The following FTO variants were observed in gnomAD, a reference collection of about 807,000 sequenced individuals.
The protein encoded by FTO is alpha-ketoglutarate-dependent dioxygenase FTO.
A neutral mutation model predicts 63.9 loss-of-function variants in FTO; 47 were observed. That is an observed-to-expected ratio of 0.74 (90% CI 0.58 to 0.94). The LOEUF (loss-of-function observed/expected upper bound fraction) is 0.94, where lower values mean the gene tolerates loss of function less well. Ranked by LOEUF, FTO falls within the 40% of genes least tolerant of loss-of-function variation. The pLI is 0.00. For missense variants in FTO, 562 were observed against 618.1 expected (o/e 0.91, Z 0.96); for synonymous variants, 207 against 224.4 (o/e 0.92, Z 0.69).
intron 8 of FTO, among the ~76,000 whole-genome samples, chr16:53,972,576 T>C (rs572997958): frequency 6.6e-6 from 1 of 152,328 alleles, no homozygotes; most frequent in South Asian, 2.1e-4. Flanking sequence ...GCTTCTTCAT[T>C]AATTAAATGT....
chr16:53,943,038 C>G (rs2082569276), intron 8 of FTO, among the ~76,000 whole-genome samples: 1 of 152,152 alleles, frequency 6.6e-6, no homozygotes, highest in African/African-American at 2.4e-5. Context: ...TTTAAGACAT[C>G]TGTCCCTTCG....
chr16:54,016,485 T>A (rs1651387920), intron 8 of FTO, among the ~76,000 whole-genome samples: 1 of 152,182 alleles, frequency 6.6e-6, no homozygotes. Context: ...AGTCTCAGTC[T>A]AAGGTATCCT....
intron 1 of FTO, among the ~76,000 whole-genome samples, chr16:53,768,204 C>G (rs1456152800): frequency 6.6e-6 from 1 of 152,178 alleles, no homozygotes; most frequent in Non-Finnish European, 1.5e-5. Flanking sequence ...CTAAAATGGT[C>G]TAGGTACCTG....
rs1031617009 is a variant in FTO, at chr16:53,826,274, G to A, written c.534G>A (p.Arg178=). Residue 178 remains arginine, a synonymous_variant, in exon 3 of 9, where the codon AGG becomes AGA. Coordinates refer to ENST00000471389, the MANE Select transcript of FTO (RefSeq NM_001080432.3). ...TGTGTATGTCTGCAGATTTCCCCAG[G>A]GTTGGGATGGGTTCATCCTACAACG... The part of the protein sequence containing the change: ...VPLCMSADFP[R]VGMGSSYNGQ... The A allele has an allele frequency of 3.1e-6, 5 of 1,613,986 alleles. No individual in the cohort carries two copies. Among genetic ancestry groups the A allele is most frequent in the African/African-American group, 1.3e-5 (1 of 74,900 alleles).
chr16:54,087,810 A>G lies in FTO; in HGVS notation c.1365-23952A>G, dbSNP rs191354171. 3.2e-3 allele frequency among the ~76,000 whole-genome samples: 493 copies of G among 152,234 alleles called. 1 individual carries two copies. The highest frequency in any genetic ancestry group is 4.3e-3 in the Non-Finnish European group (294 of 68,016). ...AGACCCTATCTCTAAAAAGACAAAGAAATTTACAAAAACAAGATGCAAAGA... is the reference window on the plus strand; with the variant it reads ...AGACCCTATCTCTAAAAAGACAAAGGAATTTACAAAAACAAGATGCAAAGA... On this transcript the variant is annotated intron_variant, in intron 8 of 8. Coordinates refer to ENST00000471389, the MANE Select transcript of FTO (RefSeq NM_001080432.3).
chr16:54,065,862 G>A (rs16952957), intron 8 of FTO, among the ~76,000 whole-genome samples: 9,542 of 152,208 alleles, frequency 0.063, 410 homozygotes, highest in East Asian at 0.14. Context: ...ATCTCCCTCT[G>A]ACCTGAGTAA....
At chr16:53,808,766 A>G (rs1425866840) in intron 1 of FTO, among the ~76,000 whole-genome samples, 2 of 152,218 alleles carry the variant, frequency 1.3e-5, no homozygotes, top group African/African-American at 2.4e-5. Flanking sequence ...ATTCTTATTG[A>G]GTGGGACTAT....
intron 8 of FTO, among the ~76,000 whole-genome samples, chr16:53,950,155 T>TAAAAAAAAAAAAAAAAAACAAAAAAAA (rs2082741554): frequency 2.0e-5 from 1 of 50,620 alleles, no homozygotes. Context: ...TTCACATTTG[T>TAAAAAAAAAAAAAAAAAACAAAAAAAA]AAAAAAAAAA....
intron 8 of FTO, among the ~76,000 whole-genome samples, chr16:53,966,818 C>T: frequency 6.6e-6 from 1 of 152,230 alleles, no homozygotes; most frequent in East Asian, 1.9e-4. Flanking sequence ...GAATGCATGG[C>T]TCCAGGACCT....
chr16:54,083,245 C>T (rs1472799748), intron 8 of FTO, among the ~76,000 whole-genome samples: 1 of 152,160 alleles, frequency 6.6e-6, no homozygotes, highest in Non-Finnish European at 1.5e-5. Context: ...TGAGCCCTGG[C>T]CCCTTGAAAG....
At chr16:53,769,500 A>G (rs1270491815) in intron 1 of FTO, among the ~76,000 whole-genome samples, 2 of 152,338 alleles carry the variant, frequency 1.3e-5, no homozygotes, top group East Asian at 1.9e-4. Context: ...TATTTAGAGC[A>G]GAACTTAGTA....
chr16:54,111,735 A>G (rs758863812), intron 8 of FTO, 27 bp from the exon 9 acceptor site: 1 of 1,613,912 alleles, frequency 6.2e-7, no homozygotes, highest in African/African-American at 1.3e-5. Flanking sequence ...CCTCCCGTGG[A>G]TTAATTTCCT....
At chr16:53,934,140 T>C in intron 8 of FTO, 31 bp downstream of exon 8, 1 of 1,613,494 alleles carries the variant, frequency 6.2e-7, no homozygotes, top group South Asian at 1.1e-5. Flanking sequence ...GGATTTGTTG[T>C]TCTTGACAAA....
At chr16:54,095,867 C>T (rs764491134) in intron 8 of FTO, among the ~76,000 whole-genome samples, 3 of 152,158 alleles carry the variant, frequency 2.0e-5, no homozygotes, top group Non-Finnish European at 4.4e-5. Context: ...GGGTTGCAGA[C>T]GTCCATGGTC....
chr16:53,875,214 A>G (rs1046547976), intron 5 of FTO, among the ~76,000 whole-genome samples: 1 of 152,152 alleles, frequency 6.6e-6, no homozygotes, highest in Non-Finnish European at 1.5e-5. Context: ...CTTTCTAGCT[A>G]TAACCCTCCT....
At chr16:53,916,784 G>A (rs1836160379) in intron 7 of FTO, among the ~76,000 whole-genome samples, 1 of 152,188 alleles carries the variant, frequency 6.6e-6, no homozygotes, top group Non-Finnish European at 1.5e-5. Context: ...ATTCATAAAT[G>A]TGAAAATAGC....
intron 1 of FTO, among the ~76,000 whole-genome samples, chr16:53,729,950 G>C (rs1309780767): frequency 1.3e-5 from 2 of 152,120 alleles, no homozygotes; most frequent in African/African-American, 4.8e-5. Context: ...CAAGAACTGC[G>C]CTTTTATTCC....
intron 8 of FTO, among the ~76,000 whole-genome samples, chr16:54,026,790 G>C (rs1471937645): frequency 2.6e-5 from 4 of 152,150 alleles, no homozygotes; most frequent in Non-Finnish European, 5.9e-5. Context: ...ATTAAATAAA[G>C]TTCCAACATT....
At chr16:54,092,106 G>A (rs148766576) in intron 8 of FTO, among the ~76,000 whole-genome samples, 1 of 152,194 alleles carries the variant, frequency 6.6e-6, no homozygotes, top group East Asian at 1.9e-4. Context: ...GTGAGACACT[G>A]TCTCTACAAA....
Sources: gnomAD v4.1 joint callset for allele counts (sites outside exome capture counted in the v4.1 genomes callset) on GRCh38, gnomAD v4.1.1 for gene constraint, MANE v1.5 for transcripts, NCBI Gene and HGNC (gene_info 2026-07-23, HGNC 2026-07-21) for gene names.